Variants in GTF2I observed in about 807,000 individuals in gnomAD.
GTF2I encodes general transcription factor IIi.
In GTF2I, 12 loss-of-function variants were observed where a neutral mutation model predicts 67.6. The ratio of observed to expected loss-of-function variants is 0.18; its 90% CI spans 0.11 to 0.29. The LOEUF (loss-of-function observed/expected upper bound fraction) is 0.29. Among genes scored for constraint, GTF2I ranks in the 10% least tolerant of loss-of-function variants. The pLI, the probability that GTF2I is intolerant of heterozygous loss-of-function variation, is 1.00. For missense variants in GTF2I, 271 were observed against 580.1 expected, an observed-to-expected ratio of 0.47 and a Z score of 5.47; for synonymous variants, 149 against 197.0, an observed-to-expected ratio of 0.76 and a Z score of 2.04.
At chr7:74,696,043 G>A (rs1399395420) in intron 3 of GTF2I, among the ~76,000 whole-genome samples, 4 of 151,400 alleles carry the variant, frequency 2.6e-5, no homozygotes, top group Non-Finnish European at 5.9e-5. Context: ...CCAGGCTGGA[G>A]TGCAGTGGCG....
At chr7:74,715,308 G>C (rs1792122976) in intron 10 of GTF2I, among the ~76,000 whole-genome samples, 1 of 152,050 alleles carries the variant, frequency 6.6e-6, no homozygotes, top group Non-Finnish European at 1.5e-5. Context: ...TAATCTGTAA[G>C]TTTCGAATTG....
chr7:74,706,822 C>A (rs1790776985), intron 8 of GTF2I, among the ~76,000 whole-genome samples: 1 of 152,110 alleles, frequency 6.6e-6, no homozygotes, highest in African/African-American at 2.4e-5. Flanking sequence ...ATTTTCAATT[C>A]TCAAATAAAA....
At chr7:74,704,855 TAAAAAAAAA>T (rs35715710) in intron 6 of GTF2I, among the ~76,000 whole-genome samples, 17 of 76,978 alleles carry the variant, frequency 2.2e-4, no homozygotes, top group African/African-American at 5.5e-4. Context: ...ACCCTGTTTC[TAAAAAAAAA>T]AAAAAAAAAA....
chr7:74,682,822 TAGAG>T (rs1379129398), intron 1 of GTF2I, among the ~76,000 whole-genome samples: 4 of 152,140 alleles, frequency 2.6e-5, no homozygotes, highest in Admixed American at 6.6e-5. Flanking sequence ...TGAAATTCCT[TAGAG>T]AGTAGGAAAC....
chr7:74,726,065 C>T (rs1206454345), intron 12 of GTF2I, among the ~76,000 whole-genome samples: 4 of 152,168 alleles, frequency 2.6e-5, no homozygotes, highest in African/African-American at 9.7e-5. Flanking sequence ...ATTCCATCTA[C>T]AGCTGTGTTT....
At chr7:74,684,538 C>A (rs1554394919) in intron 1 of GTF2I, 1 of 152,256 alleles carries the variant, frequency 6.6e-6, no homozygotes, top group Non-Finnish European at 1.5e-5. Flanking sequence ...AGAGAGCCGT[C>A]CCCAAGTGAA....
chr7:74,666,528 C>CG (rs1170486731), intron 1 of GTF2I, among the ~76,000 whole-genome samples: 8 of 55,184 alleles, frequency 1.4e-4, no homozygotes, highest in Admixed American at 1.3e-3. Context: ...CGTTTTCCCC[C>CG]CCGGTAAGCA....
chr7:74,661,284 T>G (rs1290221707), intron 1 of GTF2I, among the ~76,000 whole-genome samples: 2 of 152,310 alleles, frequency 1.3e-5, no homozygotes, highest in South Asian at 2.1e-4. Flanking sequence ...CCAGGTGGTG[T>G]TGATGGTGGC....
chr7:74,729,760 G>A (rs1193065803), intron 13 of GTF2I, among the ~76,000 whole-genome samples: 1 of 149,006 alleles, frequency 6.7e-6, no homozygotes, highest in African/African-American at 2.5e-5. Flanking sequence ...TTACAGGCAT[G>A]AGCCACTGCA....
intron 1 of GTF2I, among the ~76,000 whole-genome samples, chr7:74,661,300 C>G (rs1334762654): frequency 6.6e-6 from 1 of 152,166 alleles, no homozygotes; most frequent in East Asian, 1.9e-4. Context: ...GTGGCTGCTT[C>G]CCGGACAGCC....
chr7:74,681,674 G>T (rs1247761451), intron 1 of GTF2I, among the ~76,000 whole-genome samples: 1 of 152,190 alleles, frequency 6.6e-6, no homozygotes, highest in Non-Finnish European at 1.5e-5. Context: ...CATTTTGGGA[G>T]CCCAAAGCAG....
intron 3 of GTF2I, among the ~76,000 whole-genome samples, chr7:74,696,524 G>C (rs1460824290): frequency 1.4e-5 from 2 of 147,212 alleles, no homozygotes; most frequent in Non-Finnish European, 3.0e-5. Context: ...ACGGAGTCTC[G>C]CTCTGTCGCC....
chr7:74,686,183 CT>C (rs2131274772), intron 1 of GTF2I, among the ~76,000 whole-genome samples: 1 of 152,264 alleles, frequency 6.6e-6, no homozygotes, highest in East Asian at 1.9e-4. Context: ...AATTTTCCAT[CT>C]GGGACACAGA....
At chr7:74,661,484 A>C (rs916769061) in intron 1 of GTF2I, among the ~76,000 whole-genome samples, 2 of 152,124 alleles carry the variant, frequency 1.3e-5, no homozygotes, top group Admixed American at 1.3e-4. Context: ...GTTGGAGACC[A>C]GCCTGCCGAC....
chr7:74,730,713 CTTTTTTTTTTTTTT>C (rs869183139), intron 14 of GTF2I, among the ~76,000 whole-genome samples: 2 of 63,914 alleles, frequency 3.1e-5, no homozygotes, highest in Admixed American at 5.1e-4. Flanking sequence ...CTACTTTTAT[CTTTTTTTTTTTTTT>C]TTTTTTTTTT....
chr7:74,710,478 T>G (rs1791395958), intron 8 of GTF2I, among the ~76,000 whole-genome samples: 1 of 152,224 alleles, frequency 6.6e-6, no homozygotes. Context: ...ACACAACATG[T>G]ACTCTTTTGT....
At chr7:74,666,187 A>G (rs893395302) in intron 1 of GTF2I, among the ~76,000 whole-genome samples, 2 of 152,286 alleles carry the variant, frequency 1.3e-5, no homozygotes, top group South Asian at 4.1e-4. Flanking sequence ...TGTATGCTTT[A>G]TATGTTGTTC....
intron 1 of GTF2I, among the ~76,000 whole-genome samples, chr7:74,669,059 T>C (rs1805226063): frequency 6.6e-6 from 1 of 151,944 alleles, no homozygotes; most frequent in South Asian, 2.1e-4. Flanking sequence ...TTTTATCATG[T>C]CGGGAACAGT....
chr7:74,706,542 C>A, intron 8 of GTF2I, 109 bp downstream of exon 8: 1 of 796,330 alleles, frequency 1.3e-6, no homozygotes, highest in Non-Finnish European at 2.2e-6. Context: ...AAGAAAGAGG[C>A]AGTCACTACT....
Sources: gnomAD v4.1 joint callset for allele counts (sites outside exome capture counted in the v4.1 genomes callset) on GRCh38, gnomAD v4.1.1 for gene constraint, MANE v1.5 for transcripts, NCBI Gene and HGNC (gene_info 2026-07-23, HGNC 2026-07-21) for gene names.